The following PPIF variants were observed in gnomAD, a reference collection of about 807,000 sequenced individuals.
The protein encoded by PPIF is peptidyl-prolyl cis-trans isomerase F, mitochondrial.
PPIF carries 23 observed loss-of-function variants against 20.2 expected under a neutral mutation model. The ratio of observed to expected loss-of-function variants is 1.14; its 90% CI spans 0.82 to 1.61. The LOEUF is 1.61. PPIF is among the 40% of genes most tolerant of loss of function. The probability of loss-of-function intolerance (pLI) is 0.00; values close to 1 mark genes in which losing one functional copy is unlikely to be tolerated. For synonymous variants in PPIF, 113 were observed against 123.1 expected, an observed-to-expected ratio of 0.92 and a Z score of 0.54; for missense variants, 287 against 291.6, an observed-to-expected ratio of 0.98 and a Z score of 0.11.
In PPIF at chr10:79,347,583, G is replaced by T; in HGVS notation, c.35G>T (p.Gly12Val). The T allele has an allele frequency of 7.1e-7, 1 of 1,403,656 alleles. No homozygotes were observed. 87.0% of individuals were successfully genotyped at this position (1,403,656 alleles called of 1,614,324 possible). A position where few individuals can be genotyped will look rare whatever the true frequency, so the allele number is the denominator to read the frequency against. Residue 12 changes from glycine (G) to valine (V), a missense_variant, in exon 1 of 6, where the codon GGC (glycine) becomes GTC (valine). Transcript: ENST00000225174. ...LALRCGSRWL[G>V]LLSVPRSVPL... ...CTGCGCTGCGGCTCCCGCTGGCTCG[G>T]CCTGCTCTCCGTCCCGCGCTCCGTG...
Position 79,347,517 on chromosome 10 carries a change from C to T in PPIF, c.-32C>T, listed in dbSNP as rs3740261. 187 of 1,287,038 alleles carry T rather than the reference C, an allele frequency of 1.5e-4. 1 individual carries two copies. In the East Asian group the frequency reaches 5.8e-3, roughly 40 times the overall value. The allele number at this position is 1,287,038 out of a possible 1,614,324, so 79.7% of individuals were successfully genotyped here. ...ACGTCAGTTTGAGTTCTGTGTTCTC[C>T]CCGCCCGTGTCCCGCCCGACCCGCG... On this transcript the variant is annotated 5_prime_UTR_variant, in exon 1 of 6. Coordinates refer to ENST00000225174, the MANE Select transcript of PPIF (RefSeq NM_005729.4).
rs1046325898 is a variant in PPIF at position 79,350,467 on chromosome 10, G to T, written c.315+714G>T. 5.3e-5 allele frequency among the ~76,000 whole-genome samples: 8 copies of T among 152,174 alleles called. No homozygotes were observed. In the East Asian group the frequency reaches 1.5e-3, roughly 29 times the overall value. ...TCATGACCTCTTTGAAGACCTTCCT[G>T]CCTGGAATTCTCTCCCCATTCCCTC... On this transcript the variant is annotated intron_variant, in intron 3 of 5. Coordinates refer to ENST00000225174, the MANE Select transcript of PPIF (RefSeq NM_005729.4).
intron 2 of PPIF, 71 bp downstream of exon 2, chr10:79,349,177 C>A: frequency 6.2e-7 from 1 of 1,612,360 alleles, no homozygotes; most frequent in Non-Finnish European, 8.5e-7. Flanking sequence ...AGGTGGGTGG[C>A]GTGATGAGAA....
Position 79,347,504 on chromosome 10 carries a change from G to A in PPIF, c.-45G>A. On this transcript the variant is annotated 5_prime_UTR_variant, in exon 1 of 6. Coordinates refer to ENST00000225174, the MANE Select transcript of PPIF (RefSeq NM_005729.4). The stretch of plus-strand genomic sequence containing the variant: ...CTGGGCGCGCGCGACGTCAGTTTGA[G>A]TTCTGTGTTCTCCCCGCCCGTGTCC... 3.9e-6 allele frequency: 5 copies of A among 1,272,450 alleles called. No individual in the cohort carries two copies. The highest frequency in any genetic ancestry group is 4.9e-6 in the Non-Finnish European group (5 of 1,012,302). The allele number at this position is 1,272,450 out of a possible 1,614,324, so 78.8% of individuals were successfully genotyped here. A position where few individuals can be genotyped will look rare whatever the true frequency, so the allele number is the denominator to read the frequency against.
chr10:79,353,700 C>T lies in PPIF; in HGVS notation c.489-7C>T. The stretch of plus-strand genomic sequence containing the variant: ...CTGTTGCTCACCCGGGTCACCCGTC[C>T]TCACAGGTTGGATGGCAAGCATGTT... On this transcript the variant is annotated splice_region_variant and splice_polypyrimidine_tract_variant and intron_variant, in intron 5 of 5. Transcript: ENST00000225174. 6.2e-7 allele frequency: 1 copy of T among 1,614,236 alleles called. No individual in the cohort carries two copies.
rs368618106 is a variant in PPIF, at chr10:79,352,406, C to T, written c.488+14C>T. The T allele has an allele frequency of 2.3e-5, 37 of 1,611,086 alleles. No individual in the cohort carries two copies. Among genetic ancestry groups the T allele is most frequent in the Non-Finnish European group, 3.1e-5 (36 of 1,177,326 alleles). ...AAAGACAGACTGGTGAGTTCCCTGCCCCAGGCCCTCTGGGAATGCGGGCAG... is the reference window on the plus strand; with the variant it reads ...AAAGACAGACTGGTGAGTTCCCTGCTCCAGGCCCTCTGGGAATGCGGGCAG... On this transcript the variant is annotated intron_variant, in intron 5 of 5. Coordinates refer to ENST00000225174, the MANE Select transcript of PPIF (RefSeq NM_005729.4).
At chr10:79,353,050 C>T (rs1434083164) in intron 5 of PPIF, among the ~76,000 whole-genome samples, 2 of 152,210 alleles carry the variant, frequency 1.3e-5, no homozygotes, top group Admixed American at 6.5e-5. Context: ...AGCCCATTTC[C>T]GAGGATTTTA....
At position 79,351,587 on chromosome 10, in the gene PPIF, A is replaced by C; in HGVS notation, c.412+4A>C. 9 of 1,612,988 alleles carry C rather than the reference A, an allele frequency of 5.6e-6. No individual in the cohort carries two copies. The highest frequency in any genetic ancestry group is 7.6e-6 in the Non-Finnish European group (9 of 1,178,970). Reference sequence around the variant, plus strand: ...ACACTGAAGCACGTGGGGCCAGGTGAGTGGGGGCCTCCTCTAGGGTGAGTG... The same window carrying C: ...ACACTGAAGCACGTGGGGCCAGGTGCGTGGGGGCCTCCTCTAGGGTGAGTG... On this transcript the variant is annotated splice_donor_region_variant and intron_variant, in intron 4 of 5. Coordinates refer to ENST00000225174, the MANE Select transcript of PPIF (RefSeq NM_005729.4).
intron 3 of PPIF, 145 bp downstream of exon 3, chr10:79,349,898 T>C (rs1855958228): frequency 6.8e-7 from 1 of 1,464,190 alleles, no homozygotes; most frequent in Non-Finnish European, 9.1e-7. Context: ...ATTAGCCCTG[T>C]ATCCAGGCTT....
chr10:79,349,060 T>C lies in PPIF; in HGVS notation c.196-16T>C. 6.2e-7 allele frequency: 1 copy of C among 1,613,894 alleles called. No homozygotes were observed. Among genetic ancestry groups the C allele is most frequent in the South Asian group, 1.1e-5 (1 of 91,076 alleles). ...TCCAATGACCATCCTCTTTTGTCCT[T>C]CTTCTCCCCCAACAGCTGAAGGCAG... On this transcript the variant is annotated splice_polypyrimidine_tract_variant and intron_variant, in intron 1 of 5. Transcript: ENST00000225174.
chr10:79,352,451 T>C, intron 5 of PPIF, 59 bp downstream of exon 5: 1 of 1,553,454 alleles, frequency 6.4e-7, no homozygotes, highest in Non-Finnish European at 8.9e-7. Flanking sequence ...TGGAGGAGGA[T>C]TCGTGCACTT....
At position 79,352,384 on chromosome 10, in the gene PPIF, G is replaced by A; in HGVS notation, c.480G>A (p.Lys160=). 6.2e-7 allele frequency: 1 copy of A among 1,613,930 alleles called. No homozygotes were observed. Residue 160 remains lysine (K), a synonymous_variant, in exon 5 of 6, where the codon AAG becomes AAA. Coordinates refer to ENST00000225174, the MANE Select transcript of PPIF (RefSeq NM_005729.4). ...NGSQFFICTI[K]TDWLDGKHVV... ...CCCAGTTCTTCATCTGCACCATAAA[G>A]ACAGACTGGTGAGTTCCCTGCCCCA... is the stretch of plus-strand genomic sequence containing the variant.
In PPIF at chr10:79,352,389, A is replaced by C; in HGVS notation, c.485A>C (p.Asp162Ala). 6.2e-7 allele frequency: 1 copy of C among 1,613,620 alleles called. No individual in the cohort carries two copies. The stretch of plus-strand genomic sequence containing the variant: ...TTCTTCATCTGCACCATAAAGACAG[A>C]CTGGTGAGTTCCCTGCCCCAGGCCC... ...SQFFICTIKT[D>A]WLDGKHVVFG... Residue 162 changes from aspartate to alanine, a missense_variant, in exon 5 of 6, where the codon GAC (aspartate) becomes GCC (alanine). By Grantham distance (126) the Asp-to-Ala change is moderately radical. Transcript: ENST00000225174.
chr10:79,353,795 A>G lies in PPIF; in HGVS notation c.577A>G (p.Arg193Gly). 2 of 1,614,230 alleles carry G rather than the reference A, an allele frequency of 1.2e-6. No homozygotes were observed. Among genetic ancestry groups the G allele is most frequent in the Non-Finnish European group, 1.7e-6 (2 of 1,180,022 alleles). ...KIESFGSKSGRTSKKIVITDC... is the reference protein window; with the variant it reads ...KIESFGSKSGGTSKKIVITDC... ...AGAATCTTTCGGCTCTAAGAGTGGG[A>G]GGACATCCAAGAAGATTGTCATCAC... Residue 193 changes from arginine (R) to glycine (G), a missense_variant, in exon 6 of 6, where the codon AGG becomes GGG. Arg to Gly is a moderately radical substitution (Grantham distance 125). Coordinates refer to ENST00000225174, the MANE Select transcript of PPIF (RefSeq NM_005729.4).
chr10:79,354,209 A>G lies in PPIF; in HGVS notation c.*367A>G, dbSNP rs545859012. ...ACCAAGGGGGACAGTCAGTTTTGCA[A>G]AAGGACTCTAATACCTGTTTAATAT... is the stretch of plus-strand genomic sequence containing the variant. On this transcript the variant is annotated 3_prime_UTR_variant, in exon 6 of 6. Coordinates refer to ENST00000225174, the MANE Select transcript of PPIF (RefSeq NM_005729.4). The G allele has an allele frequency of 1.4e-5, 4 of 278,972 alleles. No individual in the cohort carries two copies. The highest frequency in any genetic ancestry group is 4.4e-5 in the African/African-American group (2 of 45,610). 17.3% of individuals were successfully genotyped at this position (278,972 alleles called of 1,614,324 possible).
chr10:79,353,715 G>T lies in PPIF; in HGVS notation c.497G>T (p.Gly166Val). The change falls in exon 6 of 6, where the codon GGC becomes GTC. Residue 166 changes from glycine (G) to valine (V), a missense_variant. Physicochemically the swap from Gly to Val is moderately radical, Grantham distance 109. Transcript: ENST00000225174. ...GTCACCCGTCCTCACAGGTTGGATG[G>T]CAAGCATGTTGTGTTCGGTCACGTC... ...ICTIKTDWLD[G>V]KHVVFGHVKE... 1 of 1,614,234 alleles carries T rather than the reference G, an allele frequency of 6.2e-7. No individual in the cohort carries two copies.
Position 79,351,464 on chromosome 10 carries a change from CAGAA to C in PPIF, c.316-22_316-19del. 3 of 1,612,548 alleles carry C rather than the reference CAGAA, an allele frequency of 1.9e-6. No individual in the cohort carries two copies. Among genetic ancestry groups the C allele is most frequent in the Non-Finnish European group, 2.5e-6 (3 of 1,178,754 alleles). Reference sequence around the variant, plus strand: ...CCCCGCCTGCTCCATGGTAGCCACTCAGAAGGTGCTTTGTGCTCACAGGCGGGCG... The same window carrying C: ...CCCCGCCTGCTCCATGGTAGCCACTCGGTGCTTTGTGCTCACAGGCGGGCG... On this transcript the variant is annotated intron_variant, in intron 3 of 5. Coordinates refer to ENST00000225174, the MANE Select transcript of PPIF (RefSeq NM_005729.4).
chr10:79,351,279 C>T (rs1196053865), intron 3 of PPIF, among the ~76,000 whole-genome samples: 1 of 151,210 alleles, frequency 6.6e-6, no homozygotes, highest in Non-Finnish European at 1.5e-5. Flanking sequence ...AAGGTAGTTA[C>T]GGTGACAAAA....
At chr10:79,353,184 G>A (rs1192590800) in intron 5 of PPIF, among the ~76,000 whole-genome samples, 2 of 152,250 alleles carry the variant, frequency 1.3e-5, no homozygotes, top group African/African-American at 2.4e-5. Flanking sequence ...GGACCCCAGT[G>A]GATCCTGCAG....
Sources: allele counts gnomAD v4.1 joint callset (sites outside exome capture counted in the v4.1 genomes callset), GRCh38; gene constraint gnomAD v4.1.1; transcripts MANE v1.5; gene names NCBI Gene and HGNC (gene_info 2026-07-23, HGNC 2026-07-21).